The following RPH3AL variants were observed in gnomAD, a reference collection of about 807,000 sequenced individuals.
The protein encoded by RPH3AL is rab effector Noc2.
RPH3AL carries 38 observed loss-of-function variants against 43.1 expected under a neutral mutation model. The ratio of observed to expected loss-of-function variants is 0.88; its 90% CI spans 0.68 to 1.15. The LOEUF (loss-of-function observed/expected upper bound fraction) is 1.15, where lower values mean the gene tolerates loss of function less well. RPH3AL is among the 50% of genes most tolerant of loss of function. The pLI is 0.00. For synonymous variants in RPH3AL, 189 were observed against 176.3 expected (o/e 1.07, Z -0.57); for missense variants, 462 against 423.2 (o/e 1.09, Z -0.81).
chr17:247,865 G>A (rs533936042), intron 6 of RPH3AL, among the ~76,000 whole-genome samples: 49 of 152,318 alleles, frequency 3.2e-4, no homozygotes, highest in African/African-American at 9.9e-4. Flanking sequence ...CAAGCCACCA[G>A]GCACTGCTGA....
In RPH3AL at chr17:264,068, T is replaced by G. The variant is rs556827535; in HGVS notation, c.439-16783A>C. Among the ~76,000 whole-genome samples, 1 of 152,280 alleles carries G rather than the reference T, an allele frequency of 6.6e-6. No homozygotes were observed. Among genetic ancestry groups the G allele is most frequent in the East Asian group, 1.9e-4 (1 of 5,188 alleles). ...CTCTGATCAGATTTCAAAGCCACGATTTTGGCCGCGTGCGACAAGCCGGAC... is the reference window on the plus strand; with the variant it reads ...CTCTGATCAGATTTCAAAGCCACGAGTTTGGCCGCGTGCGACAAGCCGGAC... On this transcript the variant is annotated intron_variant, in intron 6 of 9. Coordinates refer to ENST00000331302, the MANE Select transcript of RPH3AL (RefSeq NM_006987.4). The surrounding 1 kb of genome is among the most constrained non-coding windows in gnomAD (Gnocchi z 4.8).
Position 241,721 on chromosome 17 carries a change from C to T in RPH3AL, c.613+5390G>A, listed in dbSNP as rs74962089. Among the ~76,000 whole-genome samples the T allele has an allele frequency of 4.0e-3, 535 of 133,830 alleles. 3 individuals carry two copies. The highest frequency in any genetic ancestry group is 0.018 in the South Asian group (74 of 4,214). 87.8% of individuals were successfully genotyped at this position (133,830 alleles called of 152,430 possible). ...GAGATGTTTCTTTTTCTTTTTTTTT[C>T]TTTTTTTTTTTTTTTGAGACGGAGT... On this transcript the variant is annotated intron_variant, in intron 7 of 9. Coordinates refer to ENST00000331302, the MANE Select transcript of RPH3AL (RefSeq NM_006987.4).
Position 323,262 on chromosome 17 carries a change from A to T in RPH3AL, c.78-1847T>A, listed in dbSNP as rs1598131893. Among the ~76,000 whole-genome samples the T allele has an allele frequency of 9.5e-6, 1 of 105,106 alleles. No homozygotes were observed. Among genetic ancestry groups the T allele is most frequent in the African/African-American group, 5.5e-5 (1 of 18,276 alleles). The allele number at this position is 105,106 out of a possible 152,430, so 69.0% of individuals were successfully genotyped here. A position where few individuals can be genotyped will look rare whatever the true frequency, so the allele number is the denominator to read the frequency against. Reference sequence around the variant, plus strand: ...TCTACACTGCCGGTTTTTCCAATTTAAAAAAAAAAAAACTGCAATGCCCTA... The same window carrying T: ...TCTACACTGCCGGTTTTTCCAATTTTAAAAAAAAAAAACTGCAATGCCCTA... On this transcript the variant is annotated intron_variant, in intron 3 of 9. Transcript: ENST00000331302. This position sits in a 1 kb window ranked among gnomAD's most constrained non-coding sequence, Gnocchi z 4.4.
intron 1 of RPH3AL, among the ~76,000 whole-genome samples, chr17:337,925 G>A (rs183128217): frequency 3.9e-5 from 6 of 152,248 alleles, no homozygotes; most frequent in East Asian, 1.9e-4. Context: ...ATCCCTGCTC[G>A]TCTCTTCATC....
At chr17:308,376 C>T (rs757742513) in intron 5 of RPH3AL, among the ~76,000 whole-genome samples, 8 of 152,166 alleles carry the variant, frequency 5.3e-5, no homozygotes, top group Admixed American at 6.5e-5. Context: ...GCAGCTGCCA[C>T]GGAAAGCAGG....
In RPH3AL at chr17:322,246, C is replaced by T. The variant is rs2044503140; in HGVS notation, c.78-831G>A. The T allele has an allele frequency of 6.6e-6, 1 of 152,252 alleles. No homozygotes were observed. The highest frequency in any genetic ancestry group is 1.5e-5 in the Non-Finnish European group (1 of 68,114). The allele number at this position is 152,252 out of a possible 1,614,324, so 9.4% of individuals were successfully genotyped here. ...GGCGGGGGAAGGACTCAAACTCCTT[C>T]TATTTTTCTGGACAGGGAGAGAGTG... is the stretch of plus-strand genomic sequence containing the variant. On this transcript the variant is annotated intron_variant, in intron 3 of 9. Transcript: ENST00000331302. The surrounding 1 kb of genome is among the most constrained non-coding windows in gnomAD (Gnocchi z 4.0).
intron 1 of RPH3AL, among the ~76,000 whole-genome samples, chr17:337,172 GT>G (rs2044980487): frequency 1.3e-5 from 2 of 151,994 alleles, no homozygotes; most frequent in South Asian, 4.1e-4. Context: ...CTGGAGTGCA[GT>G]GGCACAGTCA....
At position 213,662 on chromosome 17, in the gene RPH3AL, C is replaced by A. The variant is rs1291407333; in HGVS notation, c.*190G>T. The A allele has an allele frequency of 2.8e-5, 17 of 611,596 alleles. No individual in the cohort carries two copies. The highest frequency in any genetic ancestry group is 1.9e-5 in the South Asian group (1 of 52,484). 37.9% of individuals were successfully genotyped at this position (611,596 alleles called of 1,614,324 possible). A position where few individuals can be genotyped will look rare whatever the true frequency, so the allele number is the denominator to read the frequency against. On this transcript the variant is annotated 3_prime_UTR_variant, in exon 10 of 10. Coordinates refer to ENST00000331302, the MANE Select transcript of RPH3AL (RefSeq NM_006987.4). ...CAGTGGTTGGAGGGGGTGGCGGATG[C>A]AGACAGCTCCCCAGGAGAGAAGGGG...
chr17:318,170 G>A, intron 5 of RPH3AL, among the ~76,000 whole-genome samples: 1 of 152,080 alleles, frequency 6.6e-6, no homozygotes, highest in East Asian at 1.9e-4. Context: ...ATCACCTGAG[G>A]TCAGGAGTTC....
At chr17:317,885 T>C (rs1394615306) in intron 5 of RPH3AL, among the ~76,000 whole-genome samples, 5 of 151,950 alleles carry the variant, frequency 3.3e-5, no homozygotes, top group Non-Finnish European at 7.4e-5. Context: ...CTTTCCCGGT[T>C]CTCTCAACAG....
In RPH3AL at chr17:311,692, A is replaced by C. The variant is rs2043650776; in HGVS notation, c.351+7728T>G. ...ACGAGACAATTATAACGAGACATTT[A>C]TACGAGCACAAAGACTGAGGCGTTT... On this transcript the variant is annotated intron_variant, in intron 5 of 9. Coordinates refer to ENST00000331302, the MANE Select transcript of RPH3AL (RefSeq NM_006987.4). Among the ~76,000 whole-genome samples the C allele has an allele frequency of 2.0e-5, 3 of 152,370 alleles. No homozygotes were observed. In the South Asian group the frequency reaches 6.2e-4, roughly 32 times the overall value.
chr17:324,702 GCTATGTAC>G (rs1216541999), intron 3 of RPH3AL, among the ~76,000 whole-genome samples: 161 of 119,818 alleles, frequency 1.3e-3, no homozygotes, highest in African/African-American at 1.1e-3. Flanking sequence ...TAGCTAGCTA[GCTATGTAC>G]CTATCTATCT....
intron 2 of RPH3AL, chr17:332,927 C>A: frequency 9.9e-7 from 1 of 1,012,430 alleles, no homozygotes; most frequent in Non-Finnish European, 1.3e-6. Flanking sequence ...ACTAGGAGGA[C>A]CCGAGGGGTA....
At chr17:240,903 A>C (rs986932069) in intron 7 of RPH3AL, among the ~76,000 whole-genome samples, 11 of 152,000 alleles carry the variant, frequency 7.2e-5, no homozygotes, top group Non-Finnish European at 4.4e-5. Flanking sequence ...CTAAACATAC[A>C]AAAAATGAGC....
rs919239921 is a variant in RPH3AL, at chr17:289,501, C to T, written c.352-7647G>A. On this transcript the variant is annotated intron_variant, in intron 5 of 9. Transcript: ENST00000331302. The surrounding 1 kb of genome is among the most constrained non-coding windows in gnomAD (Gnocchi z 5.2). ...CCCAGCAGATCTCTCTACCCCACCGCGCTGTCCTCCAGCTGGTTCCCGACA... is the reference window on the plus strand; with the variant it reads ...CCCAGCAGATCTCTCTACCCCACCGTGCTGTCCTCCAGCTGGTTCCCGACA... Among the ~76,000 whole-genome samples, 9 of 152,222 alleles carry T rather than the reference C, an allele frequency of 5.9e-5. No individual in the cohort carries two copies. The highest frequency in any genetic ancestry group is 1.9e-4 in the East Asian group (1 of 5,190).
intron 5 of RPH3AL, among the ~76,000 whole-genome samples, chr17:312,365 C>T (rs1252816787): frequency 2.0e-5 from 3 of 152,160 alleles, no homozygotes; most frequent in Admixed American, 1.3e-4. Context: ...CGAGGACACA[C>T]GGAGAAGGCA....
At chr17:347,033 A>T (rs905982521) in intron 1 of RPH3AL, among the ~76,000 whole-genome samples, 1 of 134,700 alleles carries the variant, frequency 7.4e-6, no homozygotes, top group Non-Finnish European at 1.7e-5. Flanking sequence ...CCGAGGCGGG[A>T]GGATCACGAG....
At chr17:293,846 A>T (rs753612827) in intron 5 of RPH3AL, among the ~76,000 whole-genome samples, 29 of 151,940 alleles carry the variant, frequency 1.9e-4, no homozygotes, top group Admixed American at 3.9e-4. Context: ...CTGGCCAACA[A>T]GGCGAAACCC....
rs556871448 is a variant in RPH3AL at position 290,180 on chromosome 17, C to T, written c.352-8326G>A. Among the ~76,000 whole-genome samples, 3 of 152,368 alleles carry T rather than the reference C, an allele frequency of 2.0e-5. No individual in the cohort carries two copies. In the South Asian group the frequency reaches 6.2e-4, roughly 32 times the overall value. ...AGCTGCACGGAGGCGTGAAGGCACT[C>T]GCTCAGCGACACGAGGCAGGGTCCA... On this transcript the variant is annotated intron_variant, in intron 5 of 9. Coordinates refer to ENST00000331302, the MANE Select transcript of RPH3AL (RefSeq NM_006987.4). The surrounding 1 kb of genome is among the most constrained non-coding windows in gnomAD (Gnocchi z 4.2).
Sources: allele counts gnomAD v4.1 joint callset (sites outside exome capture counted in the v4.1 genomes callset), GRCh38; gene constraint gnomAD v4.1.1; non-coding constraint Gnocchi (gnomAD v3.1); transcripts MANE v1.5; gene names NCBI Gene and HGNC (gene_info 2026-07-23, HGNC 2026-07-21).